The following COL27A1 variants were observed in gnomAD, a reference collection of about 807,000 sequenced individuals.
The protein encoded by COL27A1 is collagen alpha-1(XXVII) chain.
A neutral mutation model predicts 251.3 loss-of-function variants in COL27A1; 106 were observed. That is an observed-to-expected ratio of 0.42 (90% confidence interval 0.36 to 0.50). The LOEUF (loss-of-function observed/expected upper bound fraction) is 0.50, where lower values mean the gene tolerates loss of function less well. Ranked by LOEUF, COL27A1 falls within the 20% of genes least tolerant of loss-of-function variation. The pLI is 0.00. For missense variants in COL27A1, 2,325 were observed against 2,522.8 expected (o/e 0.92, Z 1.68); for synonymous variants, 1,000 against 986.3 (o/e 1.01, Z -0.26).
chr9:114,222,141 G>A (rs1487353368), intron 13 of COL27A1, 82 bp from the exon 14 acceptor site: 3 of 1,194,164 alleles, frequency 2.5e-6, no homozygotes, highest in South Asian at 1.2e-5. Context: ...CCCACCAGGT[G>A]CCTGTGTGGA....
chr9:114,184,308 T>G lies in COL27A1; in HGVS notation c.2016+1233T>G, dbSNP rs376282220. ...CTGATTGGCTCCAGGCCATGCACAG[T>G]GAGCTGCTGAGCAGCCTCTAAAGCC... is the stretch of plus-strand genomic sequence containing the variant. On this transcript the variant is annotated intron_variant, in intron 5 of 60. Coordinates refer to ENST00000356083, the MANE Select transcript of COL27A1 (RefSeq NM_032888.4). Among the ~76,000 whole-genome samples, 9 of 152,360 alleles carry G rather than the reference T, an allele frequency of 5.9e-5. No homozygotes were observed. The East Asian group carries it at 1.7e-3, about 29-fold the overall frequency.
Position 114,162,183 on chromosome 9 carries a change from C to T in COL27A1, c.63-532C>T, listed in dbSNP as rs540570058. ...AGCACTGGTTCTGGTTAAGGGGTCT[C>T]CTCTCTCCTGCCCTGTGTGGGAATT... On this transcript the variant is annotated intron_variant, in intron 1 of 60. Coordinates refer to ENST00000356083, the MANE Select transcript of COL27A1 (RefSeq NM_032888.4). 2.1e-4 allele frequency among the ~76,000 whole-genome samples: 32 copies of T among 152,336 alleles called. No homozygotes were observed. The South Asian group carries it at 6.0e-3, about 29-fold the overall frequency.
Position 114,205,772 on chromosome 9 carries a change from C to T in COL27A1, c.2183C>T (p.Pro728Leu). ...GTTCCTTTGCAGGGGCAGCCAGGAC[C>T]TGAGGGCAGCCCAGGGGCCAAAGGT... ...GHPGEQGQPG[P>L]EGSPGAKGYP... The change falls in exon 9 of 61, where the codon CCT (proline) becomes CTT (leucine). Residue 728 changes from proline to leucine, a missense_variant. Pro to Leu is a moderately conservative substitution (Grantham distance 98). Around this residue, in one of 4 missense-constraint regions of COL27A1, gnomAD observed 1,183 missense variants for 1,144.1 expected, o/e 1.03. Coordinates refer to ENST00000356083, the MANE Select transcript of COL27A1 (RefSeq NM_032888.4). The T allele has an allele frequency of 1.2e-6, 2 of 1,614,098 alleles. No individual in the cohort carries two copies. Among genetic ancestry groups the T allele is most frequent in the Non-Finnish European group, 1.7e-6 (2 of 1,179,954 alleles).
At chr9:114,288,605 TC>T (rs1827680349) in intron 42 of COL27A1, 94 bp downstream of exon 42, 2 of 1,537,470 alleles carry the variant, frequency 1.3e-6, no homozygotes, top group Admixed American at 3.8e-5. Flanking sequence ...AGGGGCCAGG[TC>T]CCTGAGAGCT....
In COL27A1 at chr9:114,267,462, G is replaced by T. The variant is rs376311908; in HGVS notation, c.3448-42G>T. ...TTACCCCCTTGCTTACAACCAGGGG[G>T]CAGCTCTTGCTCTAGGAGGGACCAA... On this transcript the variant is annotated intron_variant, in intron 33 of 60. Transcript: ENST00000356083. 84 of 1,573,292 alleles carry T rather than the reference G, an allele frequency of 5.3e-5. No homozygotes were observed. The African/African-American group carries it at 9.0e-4, about 17-fold the overall frequency.
At chr9:114,263,519 G>T (rs1834505773) in intron 28 of COL27A1, among the ~76,000 whole-genome samples, 1 of 152,160 alleles carries the variant, frequency 6.6e-6, no homozygotes, top group Admixed American at 6.5e-5. Flanking sequence ...CTGCGTCTCT[G>T]TGGGAGCGGC....
Position 114,178,324 on chromosome 9 carries a change from C to T in COL27A1, c.1942C>T (p.Pro648Ser). 6.2e-7 allele frequency: 1 copy of T among 1,614,062 alleles called. No homozygotes were observed. Among genetic ancestry groups the T allele is most frequent in the Non-Finnish European group, 8.5e-7 (1 of 1,179,986 alleles). Residue 648 changes from proline to serine, a missense_variant, in exon 4 of 61, where the codon CCT becomes TCT. Pro to Ser is a moderately conservative substitution (Grantham distance 74, BLOSUM62 -1). This residue lies in a region of COL27A1 where 1,183 missense variants were observed against 1,144.1 expected (regional missense o/e 1.03). Coordinates refer to ENST00000356083, the MANE Select transcript of COL27A1 (RefSeq NM_032888.4). ...PPGLPGLPGI[P>S]GARGPRGPPG... ...TGGGCTACCTGGGCTACCTGGAATC[C>T]CTGGTGCACGTGGGCCTCGGGTGAG...
chr9:114,179,593 G>A (rs1827730605), intron 4 of COL27A1, among the ~76,000 whole-genome samples: 1 of 152,160 alleles, frequency 6.6e-6, no homozygotes, highest in South Asian at 2.1e-4. Flanking sequence ...GTCCCCTCTG[G>A]ATGGCATGGG....
intron 41 of COL27A1, among the ~76,000 whole-genome samples, 166 bp downstream of exon 41, chr9:114,284,943 C>A (rs538640589): frequency 6.6e-6 from 1 of 152,220 alleles, no homozygotes; most frequent in African/African-American, 2.4e-5. Flanking sequence ...GTGCCCAGCC[C>A]GCAGGAGCTG....
Position 114,252,859 on chromosome 9 carries a change from T to G in COL27A1, c.3088-20T>G, listed in dbSNP as rs1244985087. Reference sequence around the variant, plus strand: ...AAGCTTCCATAGCTGATTCCTCCTTTGTCTTCTCTGTCTTGGCAGGGTCAT... The same window carrying G: ...AAGCTTCCATAGCTGATTCCTCCTTGGTCTTCTCTGTCTTGGCAGGGTCAT... On this transcript the variant is annotated intron_variant, in intron 26 of 60. Transcript: ENST00000356083. 4 of 1,613,206 alleles carry G rather than the reference T, an allele frequency of 2.5e-6. No individual in the cohort carries two copies. In the African/African-American group the frequency reaches 5.3e-5, roughly 22 times the overall value.
At chr9:114,177,568 C>T (rs1330556652) in intron 3 of COL27A1, among the ~76,000 whole-genome samples, 2 of 152,172 alleles carry the variant, frequency 1.3e-5, no homozygotes, top group Non-Finnish European at 2.9e-5. Context: ...AGTTACATAC[C>T]AGGCACCGTG....
At chr9:114,259,842 G>T (rs917633598) in intron 28 of COL27A1, among the ~76,000 whole-genome samples, 1 of 152,206 alleles carries the variant, frequency 6.6e-6, no homozygotes, top group African/African-American at 2.4e-5. Context: ...CATACGGGGG[G>T]ATCTGTGATT....
chr9:114,294,004 C>T (rs1048236788), intron 49 of COL27A1, among the ~76,000 whole-genome samples: 9 of 151,194 alleles, frequency 6.0e-5, no homozygotes, highest in South Asian at 2.1e-4. Context: ...TTTGGGAGGC[C>T]GAGGTGGGTG....
At chr9:114,183,942 G>T (rs934426460) in intron 5 of COL27A1, among the ~76,000 whole-genome samples, 1 of 152,190 alleles carries the variant, frequency 6.6e-6, no homozygotes, top group Non-Finnish European at 1.5e-5. Context: ...AGAGGGCAAG[G>T]TTGTTGGGGC....
At chr9:114,201,422 C>A (rs1829567957) in intron 7 of COL27A1, among the ~76,000 whole-genome samples, 1 of 152,242 alleles carries the variant, frequency 6.6e-6, no homozygotes, top group African/African-American at 2.4e-5. Context: ...TGTTAAGATG[C>A]TTCCAGGGAG....
chr9:114,226,307 C>G lies in COL27A1; in HGVS notation c.2466+4040C>G, dbSNP rs571588374. ...TGTAAAGCAAAGTTAGATACCCCAC[C>G]ACCTGGCATGCACCAAACCCTCTTG... On this transcript the variant is annotated intron_variant, in intron 14 of 60. Coordinates refer to ENST00000356083, the MANE Select transcript of COL27A1 (RefSeq NM_032888.4). Among the ~76,000 whole-genome samples the G allele has an allele frequency of 3.3e-5, 5 of 152,306 alleles. No individual in the cohort carries two copies. The South Asian group carries it at 1.0e-3, about 32-fold the overall frequency.
At chr9:114,267,679 C>T (rs1285917537) in intron 34 of COL27A1, 122 bp downstream of exon 34, 3 of 941,134 alleles carry the variant, frequency 3.2e-6, no homozygotes, top group Non-Finnish European at 3.2e-6. Context: ...GTTCTCTGTG[C>T]TCCTGGCTGG....
chr9:114,187,988 C>A (rs902761423), intron 5 of COL27A1, among the ~76,000 whole-genome samples: 6 of 152,200 alleles, frequency 3.9e-5, no homozygotes, highest in Non-Finnish European at 7.3e-5. Flanking sequence ...TGATGCAGGG[C>A]AGACAAGCCC....
At chr9:114,211,397 A>G (rs1053797332) in intron 12 of COL27A1, among the ~76,000 whole-genome samples, 1 of 151,966 alleles carries the variant, frequency 6.6e-6, no homozygotes, top group Non-Finnish European at 1.5e-5. Context: ...CTCAGGGAAC[A>G]CTCAGTCTCC....
Sources: gnomAD v4.1 joint callset for allele counts (sites outside exome capture counted in the v4.1 genomes callset) on GRCh38, gnomAD v4.1.1 for gene constraint, gnomAD v4.1.1 regional missense constraint, MANE v1.5 for transcripts, NCBI Gene and HGNC (gene_info 2026-07-23, HGNC 2026-07-21) for gene names.